KSR2: variants seen among roughly 807,000 people sequenced by gnomAD.
The protein encoded by KSR2 is kinase suppressor of ras 2.
KSR2 carries 25 observed loss-of-function variants against 107.8 expected under a neutral mutation model. The ratio of observed to expected loss-of-function variants is 0.23; its 90% CI spans 0.17 to 0.32. The LOEUF is 0.32. Ranked by LOEUF, KSR2 falls within the 10% of genes least tolerant of loss-of-function variation. The pLI, the probability that KSR2 is intolerant of heterozygous loss-of-function variation, is 1.00. For missense variants in KSR2, 887 were observed against 1,268.9 expected (o/e 0.70, Z 4.57); for synonymous variants, 480 against 507.0 (o/e 0.95, Z 0.71).
At chr12:117,784,454 A>C (rs915065971) in intron 3 of KSR2, among the ~76,000 whole-genome samples, 3 of 152,096 alleles carry the variant, frequency 2.0e-5, no homozygotes, top group Admixed American at 6.6e-5. Flanking sequence ...TTCCTTTATA[A>C]ACTACCCAGT....
intron 4 of KSR2, among the ~76,000 whole-genome samples, chr12:117,725,003 G>T (rs1887360610): frequency 6.6e-6 from 1 of 151,376 alleles, no homozygotes; most frequent in Non-Finnish European, 1.5e-5. Context: ...AAGAAAACTG[G>T]TTAACAAGAA....
intron 3 of KSR2, among the ~76,000 whole-genome samples, chr12:117,823,820 C>A (rs770398309): frequency 2.6e-5 from 4 of 152,140 alleles, no homozygotes; most frequent in Non-Finnish European, 4.4e-5. Context: ...ATTAGGACAG[C>A]CACTCTGGAG....
chr12:117,602,238 T>C (rs1459197970), intron 5 of KSR2, among the ~76,000 whole-genome samples: 1 of 152,244 alleles, frequency 6.6e-6, no homozygotes, highest in Non-Finnish European at 1.5e-5. Flanking sequence ...GAAGCAAAAT[T>C]CACATAAAAT....
At position 117,454,615 on chromosome 12, in the gene KSR2, A is replaced by ATT. The variant is rs1161052747; in HGVS notation, c.*12582_*12583dup. The ATT allele has an allele frequency of 6.6e-6, 1 of 152,212 alleles. No homozygotes were observed. Among genetic ancestry groups the ATT allele is most frequent in the Middle Eastern group, 3.2e-3 (1 of 316 alleles). 9.4% of individuals were successfully genotyped at this position (152,212 alleles called of 1,614,324 possible). ...TCAGTCATTTCTGTAACAAACCAGC[A>ATT]TTTTGCCCATCATACCTGAAATGTT... On this transcript the variant is annotated 3_prime_UTR_variant, in exon 20 of 20. Coordinates refer to ENST00000339824, the MANE Select transcript of KSR2 (RefSeq NM_173598.6).
chr12:117,798,021 A>G (rs1479606944), intron 3 of KSR2, among the ~76,000 whole-genome samples: 5 of 152,192 alleles, frequency 3.3e-5, no homozygotes, highest in Non-Finnish European at 5.9e-5. Flanking sequence ...GAAAGTGTGA[A>G]GTGCTGTGGG....
Position 117,471,296 on chromosome 12 carries a change from G to A in KSR2, c.2607C>T (p.Ala869=). The A allele has an allele frequency of 6.2e-7, 1 of 1,613,728 alleles. No homozygotes were observed. Among genetic ancestry groups the A allele is most frequent in the Non-Finnish European group, 8.5e-7 (1 of 1,179,780 alleles). ...GTTGGGTCTTGAAAGGCCATTCCCT[G>A]GCGTGGAGTTCATACCAGATTGTGC... ...ALGTIWYELH[A]REWPFKTQPA... is the part of the protein sequence containing the mutation. Residue 869 remains alanine (A), a synonymous_variant, in exon 18 of 20, where the codon GCC becomes GCT. Coordinates refer to ENST00000339824, the MANE Select transcript of KSR2 (RefSeq NM_173598.6).
At chr12:117,798,716 A>AG in intron 3 of KSR2, among the ~76,000 whole-genome samples, 1 of 85,340 alleles carries the variant, frequency 1.2e-5, no homozygotes, top group South Asian at 3.9e-4. Flanking sequence ...GTCCAAAAAA[A>AG]AAAAATATAT....
intron 4 of KSR2, among the ~76,000 whole-genome samples, chr12:117,677,957 CAG>C (rs1378245179): frequency 6.6e-6 from 1 of 151,972 alleles, no homozygotes; most frequent in Non-Finnish European, 1.5e-5. Flanking sequence ...GTTTTTGAGA[CAG>C]AGTCTCGCTC....
chr12:117,863,551 C>G (rs1441330764), intron 1 of KSR2, among the ~76,000 whole-genome samples: 1 of 152,220 alleles, frequency 6.6e-6, no homozygotes, highest in African/African-American at 2.4e-5. Context: ...AGCCTCCTGA[C>G]TCATAGGGAA....
chr12:117,906,899 C>A (rs960376107), intron 1 of KSR2, among the ~76,000 whole-genome samples: 3 of 152,056 alleles, frequency 2.0e-5, no homozygotes, highest in African/African-American at 4.8e-5. Flanking sequence ...TGGTGGCACA[C>A]GCCTGTAGTC....
chr12:117,643,793 T>C (rs1371689713), intron 5 of KSR2, among the ~76,000 whole-genome samples: 3 of 152,152 alleles, frequency 2.0e-5, no homozygotes, highest in Non-Finnish European at 2.9e-5. Flanking sequence ...TCAAATGCAG[T>C]GGATCCACAG....
In KSR2 at chr12:117,467,174, T is replaced by C. The variant is rs377636650; in HGVS notation, c.*25A>G. The C allele has an allele frequency of 6.1e-5, 43 of 706,298 alleles. No individual in the cohort carries two copies. In the African/African-American group the frequency reaches 6.5e-4, roughly 11 times the overall value. 43.8% of individuals were successfully genotyped at this position (706,298 alleles called of 1,614,324 possible). A position where few individuals can be genotyped will look rare whatever the true frequency, so the allele number is the denominator to read the frequency against. ...GAGAGGTGACGGGAGCCCAGGCAGC[T>C]GGGCGCCGTCCCGATGTCCAAAGGT... On this transcript the variant is annotated 3_prime_UTR_variant, in exon 20 of 20. Transcript: ENST00000339824.
At chr12:117,517,975 G>A (rs1245426207) in intron 14 of KSR2, 2 of 412,148 alleles carry the variant, frequency 4.9e-6, no homozygotes, top group African/African-American at 4.2e-5. Flanking sequence ...TAGCAGCTTG[G>A]TGCTATTATA....
chr12:117,848,788 GGTGATGGTGGTAACAACA>G (rs1239246337), intron 3 of KSR2, among the ~76,000 whole-genome samples: 1 of 146,210 alleles, frequency 6.8e-6, no homozygotes, highest in Non-Finnish European at 1.5e-5. Context: ...GGTGGTGGGT[GGTGATGGTGGTAACAACA>G]GTGATGGTGG....
chr12:117,780,330 T>C (rs1889841359), intron 3 of KSR2, among the ~76,000 whole-genome samples: 1 of 152,184 alleles, frequency 6.6e-6, no homozygotes, highest in Admixed American at 6.5e-5. Flanking sequence ...GATGGATGAA[T>C]AAATAAACAA....
intron 9 of KSR2, among the ~76,000 whole-genome samples, chr12:117,540,930 G>A (rs574369404): frequency 1.3e-5 from 2 of 152,236 alleles, no homozygotes; most frequent in Admixed American, 6.5e-5. Flanking sequence ...AGCAGGAACC[G>A]GAGTCAGGAA....
At chr12:117,566,576 G>A (rs1004619103) in intron 7 of KSR2, among the ~76,000 whole-genome samples, 1 of 152,264 alleles carries the variant, frequency 6.6e-6, no homozygotes, top group Admixed American at 6.5e-5. Flanking sequence ...TCGTTCTTTT[G>A]TATGGCTGCA....
chr12:117,780,688 G>A (rs779122181), intron 3 of KSR2, among the ~76,000 whole-genome samples: 1 of 152,150 alleles, frequency 6.6e-6, no homozygotes, highest in Non-Finnish European at 1.5e-5. Context: ...TGTTAAAATG[G>A]TAAACTTTGG....
chr12:117,606,741 T>A (rs2136305694), intron 5 of KSR2, among the ~76,000 whole-genome samples: 1 of 143,504 alleles, frequency 7.0e-6, no homozygotes, highest in Non-Finnish European at 1.5e-5. Flanking sequence ...CCTTCTTTCC[T>A]TACTCTCTCC....
Sources: allele counts gnomAD v4.1 joint callset (sites outside exome capture counted in the v4.1 genomes callset), GRCh38; gene constraint gnomAD v4.1.1; transcripts MANE v1.5; gene names NCBI Gene and HGNC (gene_info 2026-07-23, HGNC 2026-07-21).